Variants in SMAD9 observed in about 807,000 individuals in gnomAD.
SMAD9 encodes MAD homolog 9.
SMAD9 carries 36 observed loss-of-function variants against 46.1 expected under a neutral mutation model. The ratio of observed to expected loss-of-function variants is 0.78; its 90% CI spans 0.60 to 1.03. SMAD9 has a LOEUF of 1.03. SMAD9 is among the 50% of genes least tolerant of loss of function. The pLI, the probability that SMAD9 is intolerant of heterozygous loss-of-function variation, is 0.00. For synonymous variants in SMAD9, 245 were observed against 237.1 expected, an observed-to-expected ratio of 1.03 and a Z score of -0.31; for missense variants, 572 against 599.8, an observed-to-expected ratio of 0.95 and a Z score of 0.48.
At chr13:36,906,341 C>T (rs371318321) in intron 1 of SMAD9, among the ~76,000 whole-genome samples, 1 of 151,784 alleles carries the variant, frequency 6.6e-6, no homozygotes, top group African/African-American at 2.4e-5. Flanking sequence ...TGGAATTCCA[C>T]GTAAGTATCT....
chr13:36,903,002 A>C (rs556884588), intron 1 of SMAD9, among the ~76,000 whole-genome samples: 63 of 152,230 alleles, frequency 4.1e-4, no homozygotes, highest in Admixed American at 7.8e-4. Flanking sequence ...GGAGTATAAG[A>C]AGCGTGGAAG....
chr13:36,907,940 C>T (rs529581836), intron 1 of SMAD9, among the ~76,000 whole-genome samples: 7 of 152,304 alleles, frequency 4.6e-5, no homozygotes, highest in Non-Finnish European at 1.0e-4. Context: ...AATCTTCACA[C>T]TCGCCCAGGC....
Position 36,867,358 on chromosome 13 carries a change from A to AGGGGTGGTG in SMAD9, c.695_696insCACCACCCC (p.His232_Ala233insThrThrPro), listed in dbSNP as rs1246097083. 2 of 1,550,918 alleles carry AGGGGTGGTG rather than the reference A, an allele frequency of 1.3e-6. No individual in the cohort carries two copies. The highest frequency in any genetic ancestry group is 4.9e-5 in the East Asian group (2 of 40,918). On this transcript the variant is annotated inframe_insertion, in exon 4 of 7. Coordinates refer to ENST00000379826, the MANE Select transcript of SMAD9 (RefSeq NM_001127217.3). Reference sequence around the variant, plus strand: ...TCTGGGTCTCAGAGGCTTCTGTGGCATGATAAGGCAGGGGTGGTGTGTCAA... The same window carrying AGGGGTGGTG: ...TCTGGGTCTCAGAGGCTTCTGTGGCAGGGGTGGTGTGATAAGGCAGGGGTGGTGTGTCAA...
At chr13:36,883,144 A>G (rs1032195112) in intron 1 of SMAD9, among the ~76,000 whole-genome samples, 5 of 152,234 alleles carry the variant, frequency 3.3e-5, no homozygotes, top group African/African-American at 9.6e-5. Flanking sequence ...GGCTCCGAAC[A>G]GCTTTCCATT....
intron 1 of SMAD9, among the ~76,000 whole-genome samples, chr13:36,913,320 T>C (rs890447388): frequency 3.3e-5 from 5 of 152,210 alleles, no homozygotes; most frequent in African/African-American, 1.2e-4. Context: ...ATTTTATTTT[T>C]GTCACTTCAT....
intron 3 of SMAD9, among the ~76,000 whole-genome samples, chr13:36,871,826 C>A (rs547983159): frequency 6.6e-6 from 1 of 152,240 alleles, no homozygotes; most frequent in South Asian, 2.1e-4. Context: ...CCCCTTTCAG[C>A]AATCCTAAGG....
At chr13:36,898,235 T>C (rs2058545813) in intron 1 of SMAD9, among the ~76,000 whole-genome samples, 1 of 152,046 alleles carries the variant, frequency 6.6e-6, no homozygotes. Context: ...CACAGAAAGA[T>C]GAAAATTTGA....
At chr13:36,894,521 T>C (rs1403570237) in intron 1 of SMAD9, among the ~76,000 whole-genome samples, 1 of 152,036 alleles carries the variant, frequency 6.6e-6, no homozygotes, top group African/African-American at 2.4e-5. Flanking sequence ...ATACAACAAC[T>C]CATAAAGTTA....
intron 1 of SMAD9, among the ~76,000 whole-genome samples, chr13:36,884,471 A>G (rs1038247924): frequency 6.6e-6 from 1 of 152,162 alleles, no homozygotes; most frequent in Non-Finnish European, 1.5e-5. Context: ...TTTTTCTGGC[A>G]TTGAGTTTTA....
chr13:36,905,761 C>G (rs1593622284), intron 1 of SMAD9, among the ~76,000 whole-genome samples: 1 of 78,608 alleles, frequency 1.3e-5, no homozygotes, highest in Non-Finnish European at 2.4e-5. Flanking sequence ...GATAAAAGGG[C>G]AAGACCCTGT....
intron 1 of SMAD9, among the ~76,000 whole-genome samples, chr13:36,910,871 C>A (rs2058655726): frequency 6.6e-6 from 1 of 152,186 alleles, no homozygotes; most frequent in African/African-American, 2.4e-5. Context: ...AGATGCCTAG[C>A]CTTCTATCAG....
intron 1 of SMAD9, among the ~76,000 whole-genome samples, chr13:36,881,544 A>T (rs1393518933): frequency 6.6e-6 from 1 of 152,182 alleles, no homozygotes; most frequent in African/African-American, 2.4e-5. Context: ...ATAACGGATG[A>T]GATTTAATAA....
chr13:36,920,159 C>T lies in SMAD9; in HGVS notation c.-230G>A, dbSNP rs886050174. The T allele has an allele frequency of 6.6e-6, 1 of 152,082 alleles. No homozygotes were observed. Among genetic ancestry groups the T allele is most frequent in the Non-Finnish European group, 1.4e-5 (1 of 72,314 alleles). The allele number at this position is 152,082 out of a possible 1,614,324, so 9.4% of individuals were successfully genotyped here. On this transcript the variant is annotated 5_prime_UTR_variant, in exon 1 of 7. Transcript: ENST00000379826. ...CAGCGCCTGCAGGGCCCGGCGGCGG[C>T]GGCGGGGACCGAGACAGCGGCTGCA... is the stretch of plus-strand genomic sequence containing the variant.
At position 36,872,741 on chromosome 13, in the gene SMAD9, G is replaced by A. The variant is rs779855267; in HGVS notation, c.587C>T (p.Ala196Val). 8.1e-6 allele frequency: 13 copies of A among 1,614,010 alleles called. No homozygotes were observed. Among genetic ancestry groups the A allele is most frequent in the East Asian group, 6.7e-5 (3 of 44,848 alleles). The part of the protein sequence containing the change: ...CSALPPSPSH[A>V]FSQSPCTASY... ...GGCCGTGCACGGGGACTGGGAGAACGCGTGGCTGGGTGAGGGAGGGAGTGC... is the reference window on the plus strand; with the variant it reads ...GGCCGTGCACGGGGACTGGGAGAACACGTGGCTGGGTGAGGGAGGGAGTGC... The change falls in exon 3 of 7, where the codon GCG (alanine) becomes GTG (valine). Residue 196 changes from alanine (A) to valine (V), a missense_variant. Transcript: ENST00000379826.
Position 36,917,412 on chromosome 13 carries a change from GC to G in SMAD9, c.-187+2703del, listed in dbSNP as rs2058707055. 5.0e-5 allele frequency among the ~76,000 whole-genome samples: 6 copies of G among 119,054 alleles called. No homozygotes were observed. The East Asian group carries it at 1.1e-3, about 21-fold the overall frequency. 78.1% of individuals were successfully genotyped at this position (119,054 alleles called of 152,430 possible). A position where few individuals can be genotyped will look rare whatever the true frequency, so the allele number is the denominator to read the frequency against. ...TTTACTGTTTGCATTTTTTTTTTTT[GC>G]TTTAGAATAACTTTTCAACCCACTA... On this transcript the variant is annotated intron_variant, in intron 1 of 6. Transcript: ENST00000379826.
At chr13:36,876,968 T>C (rs1263555798) in intron 2 of SMAD9, among the ~76,000 whole-genome samples, 1 of 152,170 alleles carries the variant, frequency 6.6e-6, no homozygotes, top group African/African-American at 2.4e-5. Context: ...TCGTTACCCA[T>C]CTTTCCTTCT....
chr13:36,904,570 G>A (rs573467185), intron 1 of SMAD9, among the ~76,000 whole-genome samples: 1 of 152,122 alleles, frequency 6.6e-6, no homozygotes, highest in Non-Finnish European at 1.5e-5. Context: ...CATTGCCTCA[G>A]GCAATTTATT....
At chr13:36,892,653 G>A (rs574703599) in intron 1 of SMAD9, among the ~76,000 whole-genome samples, 7 of 152,282 alleles carry the variant, frequency 4.6e-5, no homozygotes, top group African/African-American at 1.7e-4. Context: ...CGACGGAGCT[G>A]TTTTCTCAGT....
At chr13:36,889,724 G>A (rs1315910436) in intron 1 of SMAD9, among the ~76,000 whole-genome samples, 1 of 151,948 alleles carries the variant, frequency 6.6e-6, no homozygotes, top group East Asian at 1.9e-4. Context: ...ACAGAATCAA[G>A]GCCAACTATT....
Sources: allele counts gnomAD v4.1 joint callset (sites outside exome capture counted in the v4.1 genomes callset), GRCh38; gene constraint gnomAD v4.1.1; transcripts MANE v1.5; gene names NCBI Gene and HGNC (gene_info 2026-07-23, HGNC 2026-07-21).